ZFAND6: variants seen among roughly 807,000 people sequenced by gnomAD.
The protein encoded by ZFAND6 is zinc finger AN1-type containing 6, also known as AN1-type zinc finger protein 6.
Under a neutral mutation model 24.5 loss-of-function variants are expected in ZFAND6, and 12 were observed. The ratio of observed to expected loss-of-function variants is 0.49; its 90% CI spans 0.31 to 0.79. The LOEUF (loss-of-function observed/expected upper bound fraction) is 0.79. Ranked by LOEUF, ZFAND6 falls within the 30% of genes least tolerant of loss-of-function variation. The probability of loss-of-function intolerance (pLI) is 0.04; values close to 1 mark genes in which losing one functional copy is unlikely to be tolerated. For missense variants in ZFAND6, 207 were observed against 245.9 expected (o/e 0.84, Z 1.06); for synonymous variants, 92 against 81.5 (o/e 1.13, Z -0.69).
chr15:80,082,011 A>G (rs1403420038), intron 1 of ZFAND6, among the ~76,000 whole-genome samples: 2 of 152,206 alleles, frequency 1.3e-5, no homozygotes, highest in Non-Finnish European at 2.9e-5. Context: ...TTTACCCGGA[A>G]AGAGGCAATC....
intron 1 of ZFAND6, among the ~76,000 whole-genome samples, chr15:80,087,967 C>G (rs927664924): frequency 3.9e-5 from 6 of 152,116 alleles, no homozygotes; most frequent in Non-Finnish European, 7.3e-5. Flanking sequence ...AAGCTGGAGA[C>G]TTTTACCCCT....
chr15:80,065,516 T>C (rs2036575415), intron 1 of ZFAND6, among the ~76,000 whole-genome samples: 1 of 150,122 alleles, frequency 6.7e-6, no homozygotes, highest in Admixed American at 6.7e-5. Flanking sequence ...CTTTTGGGGC[T>C]TCAAATTAGT....
intron 1 of ZFAND6, among the ~76,000 whole-genome samples, chr15:80,077,701 T>C (rs187084135): frequency 0.078 from 11,173 of 142,696 alleles, 505 homozygotes; most frequent in East Asian, 0.18. Context: ...TTCTTTCTTT[T>C]TTTTTTTTTT....
At chr15:80,098,260 A>G (rs1027218010) in intron 1 of ZFAND6, among the ~76,000 whole-genome samples, 156 bp from the exon 2 acceptor site, 2 of 152,214 alleles carry the variant, frequency 1.3e-5, no homozygotes, top group Admixed American at 1.3e-4. Flanking sequence ...AATAATGTCA[A>G]ATACCAATTG....
At chr15:80,118,984 A>G (rs2040023714) in intron 2 of ZFAND6, among the ~76,000 whole-genome samples, 1 of 152,214 alleles carries the variant, frequency 6.6e-6, no homozygotes, top group Non-Finnish European at 1.5e-5. Context: ...TTCTTTGGTT[A>G]GTCTCATTCT....
At chr15:80,076,646 A>G (rs1596201591) in intron 1 of ZFAND6, among the ~76,000 whole-genome samples, 1 of 152,204 alleles carries the variant, frequency 6.6e-6, no homozygotes, top group South Asian at 2.1e-4. Context: ...CAGTAAGTCA[A>G]TTTAGAAAGG....
At chr15:80,106,451 A>T (rs1264242390) in intron 2 of ZFAND6, among the ~76,000 whole-genome samples, 2 of 152,192 alleles carry the variant, frequency 1.3e-5, no homozygotes, top group Non-Finnish European at 2.9e-5. Flanking sequence ...AGCAGTTATG[A>T]CAGACTCTAT....
At chr15:80,130,928 A>C in intron 5 of ZFAND6, 1 of 380,204 alleles carries the variant, frequency 2.6e-6, no homozygotes, top group East Asian at 3.8e-5. Context: ...AGTACAGTTA[A>C]AACCTAAAGA....
intron 1 of ZFAND6, among the ~76,000 whole-genome samples, chr15:80,076,557 G>A (rs908464244): frequency 4.6e-5 from 7 of 152,120 alleles, no homozygotes; most frequent in Non-Finnish European, 7.3e-5. Flanking sequence ...TAGCTAGAGT[G>A]AAGAATAACA....
chr15:80,116,329 G>A (rs1196359314), intron 2 of ZFAND6, among the ~76,000 whole-genome samples: 1 of 152,172 alleles, frequency 6.6e-6, no homozygotes, highest in Middle Eastern at 3.4e-3. Context: ...TAAATATCCC[G>A]AAGGGCTTTT....
chr15:80,136,818 ATTAAG>A (rs2040886436), intron 6 of ZFAND6, among the ~76,000 whole-genome samples: 1 of 152,356 alleles, frequency 6.6e-6, no homozygotes, highest in African/African-American at 2.4e-5. Context: ...TTTTCTTAAA[ATTAAG>A]TAGCATTTAT....
At chr15:80,060,107 G>A (rs1376356096) in intron 1 of ZFAND6, 2 of 151,940 alleles carry the variant, frequency 1.3e-5, no homozygotes, top group African/African-American at 4.8e-5. Context: ...TCGCGCTGGG[G>A]TCGGGAGCCT....
chr15:80,070,678 C>T lies in ZFAND6; in HGVS notation c.-181+10869C>T, dbSNP rs146937946. On this transcript the variant is annotated intron_variant, in intron 1 of 6. Transcript: ENST00000261749. ...CTTGGTGTTATATTAGTGTATGATTCGTATTTGTTTCATAATTAACTTCGA... is the reference window on the plus strand; with the variant it reads ...CTTGGTGTTATATTAGTGTATGATTTGTATTTGTTTCATAATTAACTTCGA... Among the ~76,000 whole-genome samples the T allele has an allele frequency of 4.7e-3, 722 of 152,156 alleles. 10 individuals are homozygous for T. Among genetic ancestry groups the T allele is most frequent in the African/African-American group, 0.017 (696 of 41,502 alleles).
At chr15:80,106,948 C>T in intron 2 of ZFAND6, among the ~76,000 whole-genome samples, 1 of 152,226 alleles carries the variant, frequency 6.6e-6, no homozygotes. Context: ...CGCAGTGGCT[C>T]ACGCCTGTAA....
At chr15:80,076,917 AG>A (rs1053822101) in intron 1 of ZFAND6, among the ~76,000 whole-genome samples, 11 of 152,238 alleles carry the variant, frequency 7.2e-5, no homozygotes, top group Admixed American at 2.0e-4. Context: ...AAAAAAAAAA[AG>A]TATTTCTGAC....
intron 1 of ZFAND6, among the ~76,000 whole-genome samples, chr15:80,087,319 G>T (rs2038065185): frequency 6.6e-6 from 1 of 152,142 alleles, no homozygotes; most frequent in African/African-American, 2.4e-5. Flanking sequence ...ATCAAAAATC[G>T]GTGTGGTCAG....
intron 5 of ZFAND6, among the ~76,000 whole-genome samples, chr15:80,127,035 G>C (rs2142035856): frequency 6.6e-6 from 1 of 152,154 alleles, no homozygotes; most frequent in South Asian, 2.1e-4. Flanking sequence ...TTGAACTTGG[G>C]ATGTTGAGGC....
In ZFAND6 at chr15:80,076,638, G is replaced by GT. The variant is rs2037297323; in HGVS notation, c.-181+16830dup. Among the ~76,000 whole-genome samples, 3 of 152,172 alleles carry GT rather than the reference G, an allele frequency of 2.0e-5. No homozygotes were observed. The South Asian group carries it at 6.2e-4, about 32-fold the overall frequency. Reference sequence around the variant, plus strand: ...AAGTACTGTTAGTCTTTTCGAACCAGTAAGTCAATTTAGAAAGGCTAGCTA... The same window carrying GT: ...AAGTACTGTTAGTCTTTTCGAACCAGTTAAGTCAATTTAGAAAGGCTAGCTA... On this transcript the variant is annotated intron_variant, in intron 1 of 6. Coordinates refer to ENST00000261749, the MANE Select transcript of ZFAND6 (RefSeq NM_019006.4).
At chr15:80,125,546 A>G (rs2040338351) in intron 5 of ZFAND6, among the ~76,000 whole-genome samples, 1 of 152,156 alleles carries the variant, frequency 6.6e-6, no homozygotes, top group Non-Finnish European at 1.5e-5. Context: ...AAGAATTTTT[A>G]TGTTTCATTG....
Sources: allele counts gnomAD v4.1 joint callset (sites outside exome capture counted in the v4.1 genomes callset), GRCh38; gene constraint gnomAD v4.1.1; transcripts MANE v1.5; gene names NCBI Gene and HGNC (gene_info 2026-07-23, HGNC 2026-07-21).